The following HS6ST3 variants were observed in gnomAD, a reference collection of about 807,000 sequenced individuals.
HS6ST3 encodes the protein heparan sulfate 6-O-sulfotransferase 3.
Under a neutral mutation model 36.7 loss-of-function variants are expected in HS6ST3, and 12 were observed. The observed-to-expected ratio is 0.33, with a 90% confidence interval of 0.21 to 0.53. The LOEUF (loss-of-function observed/expected upper bound fraction) is 0.53. HS6ST3 is among the 20% of genes least tolerant of loss of function. The probability of loss-of-function intolerance (pLI) is 0.95; values close to 1 mark genes in which losing one functional copy is unlikely to be tolerated. For missense variants in HS6ST3, 584 were observed against 640.9 expected, an observed-to-expected ratio of 0.91 and a Z score of 0.96; for synonymous variants, 240 against 257.5, an observed-to-expected ratio of 0.93 and a Z score of 0.65.
At chr13:96,100,403 T>C (rs1235045125) in intron 1 of HS6ST3, among the ~76,000 whole-genome samples, 1 of 152,110 alleles carries the variant, frequency 6.6e-6, no homozygotes, top group Non-Finnish European at 1.5e-5. Context: ...TTGAGAGGTA[T>C]GGACAGGGAT....
At chr13:96,653,860 C>G (rs2056615636) in intron 1 of HS6ST3, among the ~76,000 whole-genome samples, 1 of 152,174 alleles carries the variant, frequency 6.6e-6, no homozygotes, top group African/African-American at 2.4e-5. Flanking sequence ...CCAATCCTCT[C>G]AAGCATCTGT....
chr13:96,248,903 C>T (rs74514890), intron 1 of HS6ST3, among the ~76,000 whole-genome samples: 1 of 152,192 alleles, frequency 6.6e-6, no homozygotes, highest in African/African-American at 2.4e-5. Flanking sequence ...TTGTGCATGA[C>T]AAATTTTCAC....
At chr13:96,286,180 A>T (rs1301238701) in intron 1 of HS6ST3, among the ~76,000 whole-genome samples, 1 of 152,144 alleles carries the variant, frequency 6.6e-6, no homozygotes, top group African/African-American at 2.4e-5. Flanking sequence ...GACAAGTGGC[A>T]ATCTCAGAGA....
intron 1 of HS6ST3, among the ~76,000 whole-genome samples, chr13:96,538,924 TC>T (rs1426719132): frequency 1.3e-5 from 2 of 152,230 alleles, no homozygotes; most frequent in Non-Finnish European, 2.9e-5. Context: ...ATTCTGCGTT[TC>T]CAATTGTCTA....
At chr13:96,344,484 A>C (rs1254818367) in intron 1 of HS6ST3, among the ~76,000 whole-genome samples, 1 of 152,194 alleles carries the variant, frequency 6.6e-6, no homozygotes, top group Non-Finnish European at 1.5e-5. Context: ...TCTTTGTATC[A>C]TATGATAGTA....
intron 1 of HS6ST3, among the ~76,000 whole-genome samples, chr13:96,523,425 G>A (rs143669970): frequency 0.011 from 1,689 of 152,222 alleles, 30 homozygotes; most frequent in African/African-American, 0.035. Flanking sequence ...TGCTAGGTTG[G>A]GGAAGTTCTC....
intron 1 of HS6ST3, among the ~76,000 whole-genome samples, chr13:96,607,986 T>C (rs2056444892): frequency 6.6e-6 from 1 of 152,188 alleles, no homozygotes; most frequent in Admixed American, 6.5e-5. Flanking sequence ...ATGGTAGCTA[T>C]CAAGGAAGCT....
chr13:96,608,866 G>A (rs1042622539), intron 1 of HS6ST3, among the ~76,000 whole-genome samples: 5 of 152,150 alleles, frequency 3.3e-5, no homozygotes, highest in African/African-American at 1.2e-4. Flanking sequence ...TCTATTTCCT[G>A]ACTGAAGTGG....
At chr13:96,242,028 G>T (rs1161957923) in intron 1 of HS6ST3, among the ~76,000 whole-genome samples, 3 of 151,496 alleles carry the variant, frequency 2.0e-5, no homozygotes, top group Admixed American at 1.3e-4. Flanking sequence ...CTCGTGATCC[G>T]CCCGCCTCGG....
At chr13:96,533,630 C>T (rs915023430) in intron 1 of HS6ST3, among the ~76,000 whole-genome samples, 1 of 152,184 alleles carries the variant, frequency 6.6e-6, no homozygotes, top group African/African-American at 2.4e-5. Flanking sequence ...GGCTGTCCTC[C>T]ACTCACATGA....
intron 1 of HS6ST3, among the ~76,000 whole-genome samples, chr13:96,368,475 T>C (rs1715692865): frequency 1.3e-5 from 2 of 151,570 alleles, no homozygotes. Flanking sequence ...GAATCCAGAC[T>C]CTAGCCAGCA....
At chr13:96,781,647 T>C (rs1877530923) in intron 1 of HS6ST3, among the ~76,000 whole-genome samples, 1 of 152,224 alleles carries the variant, frequency 6.6e-6, no homozygotes, top group Non-Finnish European at 1.5e-5. Flanking sequence ...ATAACTCTGC[T>C]GCAGTTCAGC....
chr13:96,766,441 G>T (rs1399581184), intron 1 of HS6ST3, among the ~76,000 whole-genome samples: 1 of 151,926 alleles, frequency 6.6e-6, no homozygotes, highest in Non-Finnish European at 1.5e-5. Context: ...ATTTTCTTCA[G>T]GCAGAAATTC....
chr13:96,576,943 CAAAAAAAAAAAAAAAAA>C (rs1157924077), intron 1 of HS6ST3, among the ~76,000 whole-genome samples: 2 of 26,848 alleles, frequency 7.4e-5, no homozygotes, highest in African/African-American at 1.1e-4. Context: ...GACTCTGTCT[CAAAAAAAAAAAAAAAAA>C]AAAAAAAAAA....
At chr13:96,542,385 C>T (rs1245094598) in intron 1 of HS6ST3, among the ~76,000 whole-genome samples, 1 of 152,236 alleles carries the variant, frequency 6.6e-6, no homozygotes, top group Non-Finnish European at 1.5e-5. Flanking sequence ...TATCTATATG[C>T]AAAATATTAG....
chr13:96,353,449 G>A (rs75406668), intron 1 of HS6ST3, among the ~76,000 whole-genome samples: 3,363 of 151,910 alleles, frequency 0.022, 123 homozygotes, highest in African/African-American at 0.078. Context: ...CTAACCATTT[G>A]GGGAAAATTA....
chr13:96,619,940 C>G (rs529782594), intron 1 of HS6ST3, among the ~76,000 whole-genome samples: 1 of 152,236 alleles, frequency 6.6e-6, no homozygotes, highest in South Asian at 2.1e-4. Context: ...TTAAGATTTC[C>G]TGTCTGTGAA....
intron 1 of HS6ST3, among the ~76,000 whole-genome samples, chr13:96,257,058 A>G (rs1258429141): frequency 6.6e-6 from 1 of 152,186 alleles, no homozygotes; most frequent in African/African-American, 2.4e-5. Context: ...CTGCATTCTA[A>G]GGATGAGTGG....
intron 1 of HS6ST3, among the ~76,000 whole-genome samples, chr13:96,449,514 A>G (rs2055716571): frequency 2.0e-5 from 3 of 152,146 alleles, no homozygotes. Context: ...CAGTGGCTTC[A>G]TTGTTACCAA....
Sources: gnomAD v4.1 joint callset for allele counts (sites outside exome capture counted in the v4.1 genomes callset) on GRCh38, gnomAD v4.1.1 for gene constraint, MANE v1.5 for transcripts, NCBI Gene and HGNC (gene_info 2026-07-23, HGNC 2026-07-21) for gene names.